SMIM13: variants seen among roughly 807,000 people sequenced by gnomAD.
SMIM13 encodes UPF0766 protein C6orf228.
SMIM13 carries 3 observed loss-of-function variants against 5.9 expected under a neutral mutation model. That is an observed-to-expected ratio of 0.51 (90% CI 0.23 to 1.31). The LOEUF is 1.31. Ranked by LOEUF, SMIM13 falls within the 40% of genes most tolerant of loss-of-function variation. SMIM13 has a pLI of 0.18. For synonymous variants in SMIM13, 55 were observed against 46.0 expected (o/e 1.19, Z -0.79); for missense variants, 85 against 109.9 (o/e 0.77, Z 1.01).
chr6:11,096,755 A>G (rs933726606), intron 1 of SMIM13, among the ~76,000 whole-genome samples: 1 of 151,342 alleles, frequency 6.6e-6, no homozygotes, highest in African/African-American at 2.4e-5. Context: ...GCTGGAGTGC[A>G]ATGGCGTGAT....
chr6:11,104,995 T>G (rs1265955914), intron 1 of SMIM13: 3 of 1,614,110 alleles, frequency 1.9e-6, no homozygotes, highest in Non-Finnish European at 1.7e-6. Context: ...ATGGGAGGTT[T>G]CTGGCGGATA....
At chr6:11,134,126 T>C (rs956678431) in intron 1 of SMIM13, among the ~76,000 whole-genome samples, 18 of 152,088 alleles carry the variant, frequency 1.2e-4, no homozygotes, top group African/African-American at 4.3e-4. Context: ...TAAGTAACAC[T>C]TTTACTTAGA....
chr6:11,120,496 A>T (rs1230912007), intron 1 of SMIM13, among the ~76,000 whole-genome samples: 1 of 152,168 alleles, frequency 6.6e-6, no homozygotes, highest in East Asian at 1.9e-4. Flanking sequence ...AATCCCATTC[A>T]TGAGGACTCC....
intron 1 of SMIM13, among the ~76,000 whole-genome samples, chr6:11,115,007 A>G (rs939032844): frequency 2.0e-5 from 3 of 152,030 alleles, no homozygotes; most frequent in Non-Finnish European, 4.4e-5. Context: ...CATGTTATCC[A>G]TTTTCTATAC....
In SMIM13 at chr6:11,114,592, C is replaced by CTCTTTTTTTTTT. The variant is rs1758212653; in HGVS notation, c.77-19810_77-19809insCTTTTTTTTTTT. Among the ~76,000 whole-genome samples the CTCTTTTTTTTTT allele has an allele frequency of 3.2e-4, 7 of 21,844 alleles. 1 individual carries two copies. The highest frequency in any genetic ancestry group is 4.4e-4 in the Non-Finnish European group (6 of 13,556). The allele number at this position is 21,844 out of a possible 152,430, so 14.3% of individuals were successfully genotyped here. On this transcript the variant is annotated intron_variant, in intron 1 of 1. Transcript: ENST00000416247. ...ATTGAGATGGTCATGCACTTTTTCT[C>CTCTTTTTTTTTT]TTTTTTTTTTTTTTTTTTTTTTTTG...
At chr6:11,108,506 G>A (rs981785502) in intron 1 of SMIM13, among the ~76,000 whole-genome samples, 1 of 152,150 alleles carries the variant, frequency 6.6e-6, no homozygotes, top group African/African-American at 2.4e-5. Context: ...GAGAGCTGGG[G>A]GTGGGTGTCC....
intron 1 of SMIM13, among the ~76,000 whole-genome samples, chr6:11,097,894 T>A (rs1033733777): frequency 6.6e-6 from 1 of 151,860 alleles, no homozygotes; most frequent in Non-Finnish European, 1.5e-5. Flanking sequence ...GAACCTTTCT[T>A]TTTTTTTAAA....
In SMIM13 at chr6:11,119,645, C is replaced by G. The variant is rs1048776876; in HGVS notation, c.77-14758C>G. 4.1e-4 allele frequency among the ~76,000 whole-genome samples: 59 copies of G among 145,104 alleles called. 2 individuals are homozygous for G. Among genetic ancestry groups the G allele is most frequent in the Middle Eastern group, 3.4e-3 (1 of 290 alleles). On this transcript the variant is annotated intron_variant, in intron 1 of 1. Coordinates refer to ENST00000416247, the MANE Select transcript of SMIM13 (RefSeq NM_001135575.2). ...CTCCAGCCTGGACGACAGAGCGAGA[C>G]TCCATCTCCAAAAAAACAGAAAATT...
At chr6:11,119,238 G>A (rs9461490) in intron 1 of SMIM13, among the ~76,000 whole-genome samples, 28,507 of 152,132 alleles carry the variant, frequency 0.19, 3,017 homozygotes, top group African/African-American at 0.29. Flanking sequence ...AGACACATGC[G>A]CGTGCACTCT....
chr6:11,124,658 C>T (rs181211108), intron 1 of SMIM13, among the ~76,000 whole-genome samples: 1 of 152,128 alleles, frequency 6.6e-6, no homozygotes, highest in African/African-American at 2.4e-5. Context: ...TTCCTTTTTT[C>T]TCCACATTCT....
At chr6:11,123,172 G>A (rs1488430812) in intron 1 of SMIM13, among the ~76,000 whole-genome samples, 1 of 152,144 alleles carries the variant, frequency 6.6e-6, no homozygotes, top group Non-Finnish European at 1.5e-5. Context: ...TTTTTTCTAG[G>A]TTTGTGTTTT....
rs1451749390 is a variant in SMIM13, at chr6:11,132,588, A to G, written c.77-1815A>G. 5.3e-5 allele frequency among the ~76,000 whole-genome samples: 8 copies of G among 152,324 alleles called. No individual in the cohort carries two copies. The East Asian group carries it at 1.5e-3, about 29-fold the overall frequency. On this transcript the variant is annotated intron_variant, in intron 1 of 1. Transcript: ENST00000416247. ...TATACATAAAATTGAATATTATTCA[A>G]CCATAAAAAGAAATGAAGTACTGAT...
At chr6:11,117,151 C>A (rs1289640951) in intron 1 of SMIM13, among the ~76,000 whole-genome samples, 18 of 145,822 alleles carry the variant, frequency 1.2e-4, no homozygotes, top group Non-Finnish European at 2.6e-4. Context: ...CCACCACGCC[C>A]GGCTAATTTT....
intron 1 of SMIM13, among the ~76,000 whole-genome samples, chr6:11,129,865 A>C (rs541243645): frequency 6.6e-6 from 1 of 152,156 alleles, no homozygotes; most frequent in East Asian, 1.9e-4. Context: ...TTCTTTGCTC[A>C]GTCATACTTT....
chr6:11,118,672 T>C (rs974021740), intron 1 of SMIM13, among the ~76,000 whole-genome samples: 1 of 152,202 alleles, frequency 6.6e-6, no homozygotes, highest in African/African-American at 2.4e-5. Flanking sequence ...AAAAGTTATA[T>C]ATTAATAATA....
chr6:11,119,543 A>G (rs1359338388), intron 1 of SMIM13, among the ~76,000 whole-genome samples: 2 of 152,040 alleles, frequency 1.3e-5, no homozygotes, highest in South Asian at 2.1e-4. Context: ...TGTCCCAGCT[A>G]CTCGGGAGGC....
At chr6:11,127,506 A>G (rs1008802875) in intron 1 of SMIM13, among the ~76,000 whole-genome samples, 10 of 152,180 alleles carry the variant, frequency 6.6e-5, no homozygotes, top group Non-Finnish European at 1.2e-4. Flanking sequence ...AGACTGGGCA[A>G]TTTACAAAAG....
At position 11,137,233 on chromosome 6, in the gene SMIM13, A is replaced by T. The variant is rs926002156; in HGVS notation, c.*2631A>T. On this transcript the variant is annotated 3_prime_UTR_variant, in exon 2 of 2. Transcript: ENST00000416247. ...AGACTCTCACTTAGGGAGGGTAAAG[A>T]AACATCACTGATGCCAATATGAAGA... The T allele has an allele frequency of 1.3e-5, 2 of 152,192 alleles. No homozygotes were observed. Among genetic ancestry groups the T allele is most frequent in the Admixed American group, 1.3e-4 (2 of 15,276 alleles). 9.4% of individuals were successfully genotyped at this position (152,192 alleles called of 1,614,324 possible).
At chr6:11,112,664 G>A (rs1472435738) in intron 1 of SMIM13, among the ~76,000 whole-genome samples, 1 of 152,152 alleles carries the variant, frequency 6.6e-6, no homozygotes, top group Non-Finnish European at 1.5e-5. Context: ...AAATCTATTT[G>A]TGTTGTGTAT....
Sources: allele counts gnomAD v4.1 joint callset (sites outside exome capture counted in the v4.1 genomes callset), GRCh38; gene constraint gnomAD v4.1.1; transcripts MANE v1.5; gene names NCBI Gene and HGNC (gene_info 2026-07-23, HGNC 2026-07-21).